TTC23L: variants seen among roughly 807,000 people sequenced by gnomAD.
TTC23L encodes the protein tetratricopeptide repeat protein 23-like.
Under a neutral mutation model 48.1 loss-of-function variants are expected in TTC23L, and 42 were observed. The observed-to-expected ratio is 0.87, with a 90% CI of 0.68 to 1.13. TTC23L has a LOEUF of 1.13. Among genes scored for constraint, TTC23L ranks in the 50% most tolerant of loss-of-function variants. The pLI, the probability that TTC23L is intolerant of heterozygous loss-of-function variation, is 0.00. For missense variants in TTC23L, 391 were observed against 421.0 expected, an observed-to-expected ratio of 0.93 and a Z score of 0.62; for synonymous variants, 159 against 157.2, an observed-to-expected ratio of 1.01 and a Z score of -0.09.
intron 3 of TTC23L, 68 bp from the exon 4 acceptor site, chr5:34,850,117 G>A: frequency 1.9e-6 from 3 of 1,561,972 alleles, no homozygotes; most frequent in African/African-American, 1.4e-5. Context: ...CTGTGTTCCA[G>A]TGATAAGTCC....
At chr5:34,860,802 T>A (rs1190749171) in intron 4 of TTC23L, 1 of 152,220 alleles carries the variant, frequency 6.6e-6, no homozygotes, top group Non-Finnish European at 1.5e-5. Flanking sequence ...CGAATGTTTC[T>A]TCCTCATATC....
intron 4 of TTC23L, among the ~76,000 whole-genome samples, chr5:34,858,640 T>G (rs192116640): frequency 1.3e-5 from 2 of 152,064 alleles, no homozygotes; most frequent in African/African-American, 4.8e-5. Flanking sequence ...TGATGTGTTA[T>G]GTAATATTAT....
At chr5:34,915,748 A>G in the TTC23L span, 12 of 1,603,096 alleles carry the variant, frequency 7.5e-6, no homozygotes, top group Middle Eastern at 1.7e-4. Context: ...GATGGCGGCA[A>G]CCAAGAGGAA....
chr5:34,925,624 A>G, the TTC23L span: 1 of 710,328 alleles, frequency 1.4e-6, no homozygotes, highest in Admixed American at 3.6e-5. Flanking sequence ...AAAAATTAAG[A>G]TCTTAAAATC....
intron 8 of TTC23L, among the ~76,000 whole-genome samples, chr5:34,875,031 T>G (rs527999758): frequency 9.2e-5 from 14 of 152,228 alleles, no homozygotes; most frequent in African/African-American, 2.9e-4. Flanking sequence ...TATACTAACA[T>G]TAATCAAAAG....
At chr5:34,882,619 AC>A (rs1762295434) in intron 9 of TTC23L, among the ~76,000 whole-genome samples, 1 of 3,528 alleles carries the variant, frequency 2.8e-4, no homozygotes, top group Non-Finnish European at 2.4e-3. Flanking sequence ...CCCATGGACT[AC>A]ACACACACAC....
intron 4 of TTC23L, among the ~76,000 whole-genome samples, chr5:34,854,978 G>A (rs1430334018): frequency 6.6e-6 from 1 of 152,122 alleles, no homozygotes; most frequent in Non-Finnish European, 1.5e-5. Flanking sequence ...AGGGGGAGGT[G>A]GATTCAAGGG....
intron 8 of TTC23L, 138 bp from the exon 9 acceptor site, chr5:34,880,043 T>G (rs1306837190): frequency 3.9e-6 from 4 of 1,021,856 alleles, no homozygotes; most frequent in Non-Finnish European, 5.6e-6. Flanking sequence ...CATCTTAGAC[T>G]TTTAAAGAGT....
At chr5:34,887,018 T>A (rs1762584331) in intron 9 of TTC23L, among the ~76,000 whole-genome samples, 2 of 152,202 alleles carry the variant, frequency 1.3e-5, no homozygotes, top group South Asian at 4.1e-4. Context: ...TAGGTGGGGA[T>A]GTCTCTACAT....
chr5:34,918,221 G>T, the TTC23L span: 3 of 511,814 alleles, frequency 5.9e-6, no homozygotes, highest in Admixed American at 1.1e-4. Context: ...TGGGGTGGGA[G>T]GATCACTTAC....
rs1336685032 is a variant in TTC23L at position 34,840,715 on chromosome 5, T to A, written c.44T>A (p.Ile15Asn). The change falls in exon 2 of 11, where the codon ATC becomes AAC. Residue 15 changes from isoleucine to asparagine, a missense_variant. Transcript: ENST00000505624. ...CGTATCCCAACTGTTAGCAATGACA[T>A]CGACTGGGATTTCTGCTTCCATATG... 5.6e-6 allele frequency: 9 copies of A among 1,613,966 alleles called. No individual in the cohort carries two copies. The highest frequency in any genetic ancestry group is 6.8e-6 in the Non-Finnish European group (8 of 1,179,862).
chr5:34,870,750 T>A (rs1473562288), intron 8 of TTC23L, among the ~76,000 whole-genome samples: 1 of 152,106 alleles, frequency 6.6e-6, no homozygotes, highest in Non-Finnish European at 1.5e-5. Context: ...TGAGATCCAG[T>A]GTGTTTAGGG....
the TTC23L span, chr5:34,924,762 G>T: frequency 1.3e-6 from 1 of 784,426 alleles, no homozygotes; most frequent in Non-Finnish European, 2.0e-6. Context: ...ATTATTTCAG[G>T]CACATTTATA....
In TTC23L at chr5:34,840,243, G is replaced by GC. The variant is rs1268352292; in HGVS notation, c.-7-422_-7-421insC. ...TTAATTAGTGAAATGACCCCGGGGG[G>GC]GGGGGGGAAAGCAGAATTAACCAAT... On this transcript the variant is annotated intron_variant, in intron 1 of 10. Coordinates refer to ENST00000505624, the Ensembl canonical transcript of TTC23L. Among the ~76,000 whole-genome samples, 35 of 143,024 alleles carry GC rather than the reference G, an allele frequency of 2.4e-4. 2 individuals carry two copies. The South Asian group carries it at 6.1e-3, about 25-fold the overall frequency. 93.8% of individuals were successfully genotyped at this position (143,024 alleles called of 152,430 possible). A position where few individuals can be genotyped will look rare whatever the true frequency, so the allele number is the denominator to read the frequency against.
rs576568783 is a variant in TTC23L at position 34,895,167 on chromosome 5, G to C, written c.1078-1603G>C. On this transcript the variant is annotated intron_variant, in intron 9 of 10. Coordinates refer to ENST00000505624, the Ensembl canonical transcript of TTC23L. ...CATTACTGGACAGTTCTGATTGTTA[G>C]AAGAATGTAGTAGTTAAGGTCATAG... is the stretch of plus-strand genomic sequence containing the variant. 2.6e-5 allele frequency among the ~76,000 whole-genome samples: 4 copies of C among 152,264 alleles called. No individual in the cohort carries two copies. In the East Asian group the frequency reaches 7.7e-4, roughly 29 times the overall value.
chr5:34,863,962 A>T lies in TTC23L; in HGVS notation c.537-475A>T, dbSNP rs1760866000. ...GGGCTATTGAAAATGTGGGAAATAGAAGAATGTTTGGGAATTAAGGGGATT... is the reference window on the plus strand; with the variant it reads ...GGGCTATTGAAAATGTGGGAAATAGTAGAATGTTTGGGAATTAAGGGGATT... On this transcript the variant is annotated intron_variant, in intron 5 of 10. Coordinates refer to ENST00000505624, the Ensembl canonical transcript of TTC23L. The surrounding 1 kb of genome is among the most constrained non-coding windows in gnomAD (Gnocchi z 4.1). 6.6e-6 allele frequency among the ~76,000 whole-genome samples: 1 copy of T among 152,176 alleles called. No individual in the cohort carries two copies. Among genetic ancestry groups the T allele is most frequent in the African/African-American group, 2.4e-5 (1 of 41,438 alleles).
intron 8 of TTC23L, among the ~76,000 whole-genome samples, chr5:34,878,985 C>T (rs899602932): frequency 1.3e-5 from 2 of 152,066 alleles, no homozygotes; most frequent in African/African-American, 4.8e-5. Flanking sequence ...AAATGTGGTA[C>T]ATATACACAA....
At chr5:34,867,697 G>C (rs1385301895) in intron 7 of TTC23L, 1 of 153,398 alleles carries the variant, frequency 6.5e-6, no homozygotes, top group African/African-American at 2.4e-5. Context: ...GTGGCTTCAG[G>C]TATCTCCCAC....
intron 7 of TTC23L, 132 bp from the exon 8 acceptor site, chr5:34,868,773 G>A: frequency 1.4e-6 from 1 of 718,080 alleles, no homozygotes; most frequent in Admixed American, 2.2e-5. Flanking sequence ...TTCTACGAAT[G>A]AAGGTGAAAT....
Sources: allele counts gnomAD v4.1 joint callset (sites outside exome capture counted in the v4.1 genomes callset), GRCh38; gene constraint gnomAD v4.1.1; non-coding constraint Gnocchi (gnomAD v3.1); transcripts MANE v1.5; gene names NCBI Gene and HGNC (gene_info 2026-07-23, HGNC 2026-07-21).